Variants in KDM2B observed in about 807,000 individuals in gnomAD.
The protein encoded by KDM2B is lysine demethylase 2B, also known as lysine-specific demethylase 2B.
Under a neutral mutation model 150.0 loss-of-function variants are expected in KDM2B, and 26 were observed. The observed-to-expected ratio is 0.17, with a 90% CI of 0.13 to 0.24. The LOEUF (loss-of-function observed/expected upper bound fraction) is 0.24, where lower values mean the gene tolerates loss of function less well. Ranked by LOEUF, KDM2B falls within the 10% of genes least tolerant of loss-of-function variation. The pLI is 1.00. For synonymous variants in KDM2B, 734 were observed against 729.5 expected (o/e 1.01, Z -0.10); for missense variants, 1,265 against 1,816.9 (o/e 0.70, Z 5.52).
chr12:121,425,044 G>A (rs1872445089), downstream of KDM2B, among the ~76,000 whole-genome samples: 1 of 152,154 alleles, frequency 6.6e-6, no homozygotes, highest in South Asian at 2.1e-4. Flanking sequence ...AGGTGTGGTG[G>A]CTCATGCCTG....
At chr12:121,572,971 G>A (rs1362718341) in intron 4 of KDM2B, among the ~76,000 whole-genome samples, 11 of 150,854 alleles carry the variant, frequency 7.3e-5, no homozygotes, top group African/African-American at 1.5e-4. Flanking sequence ...GACTACAGGC[G>A]CCTGCCACTA....
In KDM2B at chr12:121,441,086, G is replaced by A. The variant is rs782594886; in HGVS notation, c.3432C>T (p.Leu1144=). 10 of 1,614,064 alleles carry A rather than the reference G, an allele frequency of 6.2e-6. No homozygotes were observed. The highest frequency in any genetic ancestry group is 1.1e-5 in the South Asian group (1 of 91,090). The change falls in exon 20 of 23, where the codon CTC becomes CTT. Residue 1144 remains leucine (L), a synonymous_variant. Coordinates refer to ENST00000377071, the MANE Select transcript of KDM2B (RefSeq NM_032590.5). The part of the protein sequence containing the change: ...TNISKKQLSW[L]INRLPGLRDL... ...AGGGCTCACCAGGCAGCCGGTTGAT[G>A]AGCCAGCTCAGCTGCTTCTTGGAGA...
At chr12:121,441,021 C>T in intron 20 of KDM2B, 44 bp from the exon 21 acceptor site, 2 of 1,612,564 alleles carry the variant, frequency 1.2e-6, no homozygotes. Context: ...GATGTGTCCC[C>T]AGCCCTCACT....
intron 22 of KDM2B, among the ~76,000 whole-genome samples, chr12:121,437,508 G>GA (rs140170154): frequency 0.015 from 2,243 of 150,742 alleles, 58 homozygotes; most frequent in African/African-American, 0.044. Context: ...GTCCACATGG[G>GA]AAAAAAAAAG....
intron 8 of KDM2B, among the ~76,000 whole-genome samples, chr12:121,523,081 G>A (rs1004743426): frequency 6.6e-6 from 1 of 152,230 alleles, no homozygotes; most frequent in Non-Finnish European, 1.5e-5. Context: ...AGATGGGCAG[G>A]AGGAGAATCA....
intron 12 of KDM2B, among the ~76,000 whole-genome samples, chr12:121,459,525 G>A (rs535485873): frequency 3.3e-5 from 5 of 152,108 alleles, no homozygotes; most frequent in African/African-American, 4.8e-5. Context: ...AGATAAATTC[G>A]ACTTCATCAA....
the KDM2B span, among the ~76,000 whole-genome samples, chr12:121,421,697 A>AT: frequency 6.6e-6 from 1 of 152,180 alleles, no homozygotes; most frequent in Non-Finnish European, 1.5e-5. Flanking sequence ...TTGTAAAAAA[A>AT]ATATATATGT....
At chr12:121,506,045 T>C (rs782740724) in intron 11 of KDM2B, among the ~76,000 whole-genome samples, 21 of 150,382 alleles carry the variant, frequency 1.4e-4, no homozygotes, top group Admixed American at 2.7e-4. Context: ...GGTCTTGTTC[T>C]GTCTCCCAGG....
At chr12:121,409,104 C>T in the KDM2B span, among the ~76,000 whole-genome samples, 5 of 152,038 alleles carry the variant, frequency 3.3e-5, no homozygotes, top group Admixed American at 6.6e-5. Flanking sequence ...CTCAGCCTCT[C>T]GAGTAGCTTG....
Position 121,580,949 on chromosome 12 carries a change from C to G in KDM2B, c.-38G>C, listed in dbSNP as rs782389739. On this transcript the variant is annotated 5_prime_UTR_variant, in exon 1 of 23. Coordinates refer to ENST00000377071, the MANE Select transcript of KDM2B (RefSeq NM_032590.5). The stretch of plus-strand genomic sequence containing the variant: ...TTTGGGGGGCTCAGAAGGAAATTAG[C>G]TCGGCTTCCATACCTATAAGGACTG... 10 of 1,608,876 alleles carry G rather than the reference C, an allele frequency of 6.2e-6. No homozygotes were observed.
chr12:121,534,105 T>C, intron 7 of KDM2B, among the ~76,000 whole-genome samples: 1 of 152,020 alleles, frequency 6.6e-6, no homozygotes, highest in Non-Finnish European at 1.5e-5. Context: ...ATCCCAGCAC[T>C]TTGGGAGGCC....
intron 8 of KDM2B, among the ~76,000 whole-genome samples, chr12:121,529,085 T>C (rs570950498): frequency 5.3e-5 from 8 of 152,074 alleles, no homozygotes; most frequent in Admixed American, 1.3e-4. Flanking sequence ...GCAAAAAACC[T>C]CAACAAAATA....
chr12:121,458,125 AT>A (rs1566290002), intron 12 of KDM2B, among the ~76,000 whole-genome samples: 1 of 152,190 alleles, frequency 6.6e-6, no homozygotes, highest in Non-Finnish European at 1.5e-5. Context: ...GCTCACCCCT[AT>A]AATCTCAGCA....
rs1244380379 is a variant in KDM2B, at chr12:121,479,675, G to C, written c.1734+14904C>G. 2.6e-5 allele frequency among the ~76,000 whole-genome samples: 4 copies of C among 151,938 alleles called. No homozygotes were observed. In the South Asian group the frequency reaches 6.2e-4, roughly 24 times the overall value. ...CTTGCTCTGTTGCCCAGGCTGGAGT[G>C]CAATGGCGTGATCTTGGCTCACTGC... On this transcript the variant is annotated intron_variant, in intron 12 of 22. Coordinates refer to ENST00000377071, the MANE Select transcript of KDM2B (RefSeq NM_032590.5).
At chr12:121,536,750 T>C (rs1555308790) in intron 6 of KDM2B, among the ~76,000 whole-genome samples, 2 of 151,654 alleles carry the variant, frequency 1.3e-5, no homozygotes, top group Non-Finnish European at 2.9e-5. Context: ...ACAATCTAAG[T>C]ATGTGCGGGG....
intron 4 of KDM2B, among the ~76,000 whole-genome samples, chr12:121,560,728 T>G (rs148104458): frequency 9.2e-5 from 14 of 152,082 alleles, no homozygotes; most frequent in African/African-American, 3.1e-4. Context: ...AGCCTCCCGG[T>G]CTGATCTGCC....
At chr12:121,469,415 A>C (rs1555295494) in intron 12 of KDM2B, 1 of 150,260 alleles carries the variant, frequency 6.7e-6, no homozygotes, top group Admixed American at 6.6e-5. Context: ...TCAAGAATTC[A>C]AGACCAGCCT....
At chr12:121,554,033 CCACACACACA>C (rs56659514) in intron 4 of KDM2B, among the ~76,000 whole-genome samples, 4,121 of 122,116 alleles carry the variant, frequency 0.034, 100 homozygotes, top group African/African-American at 0.064. Context: ...CACCCCAGCT[CCACACACACA>C]CACACACACA....
At chr12:121,473,864 C>T (rs1365590334) in intron 12 of KDM2B, among the ~76,000 whole-genome samples, 5 of 152,100 alleles carry the variant, frequency 3.3e-5, no homozygotes, top group Non-Finnish European at 5.9e-5. Flanking sequence ...AAACAAAACA[C>T]GGTCTATCCC....
Sources: allele counts gnomAD v4.1 joint callset (sites outside exome capture counted in the v4.1 genomes callset), GRCh38; gene constraint gnomAD v4.1.1; transcripts MANE v1.5; gene names NCBI Gene and HGNC (gene_info 2026-07-23, HGNC 2026-07-21).